MTMR14: variants seen among roughly 807,000 people sequenced by gnomAD.
MTMR14 encodes the protein phosphatidylinositol-3,5-bisphosphate 3-phosphatase MTMR14.
In MTMR14, 48 loss-of-function variants were observed where a neutral mutation model predicts 86.3. The observed-to-expected ratio is 0.56, with a 90% confidence interval of 0.44 to 0.71. The LOEUF (loss-of-function observed/expected upper bound fraction) is 0.71. MTMR14 is among the 30% of genes least tolerant of loss of function. The probability of loss-of-function intolerance (pLI) is 0.00; values close to 1 mark genes in which losing one functional copy is unlikely to be tolerated. For missense variants in MTMR14, 780 were observed against 834.6 expected (o/e 0.93, Z 0.81); for synonymous variants, 366 against 326.1 (o/e 1.12, Z -1.32).
intron 1 of MTMR14, among the ~76,000 whole-genome samples, chr3:9,652,638 A>G (rs2047366187): frequency 1.3e-5 from 2 of 151,748 alleles, no homozygotes; most frequent in South Asian, 4.2e-4. Flanking sequence ...CAGAGGTTGC[A>G]GTGAGCAGAG....
At position 9,668,783 on chromosome 3, in the gene MTMR14, A is replaced by AT. The variant is rs768627913; in HGVS notation, c.488dup (p.Ser164LeufsTer6). 38 of 1,613,846 alleles carry AT rather than the reference A, an allele frequency of 2.4e-5. No individual in the cohort carries two copies. The highest frequency in any genetic ancestry group is 3.1e-5 in the Non-Finnish European group (37 of 1,179,980). Reference sequence around the variant, plus strand: ...CTGTATGGACGCTCAGGCTACAACTATTTTTTCTCAGGTGAATGTTGAACA... The same window carrying AT: ...CTGTATGGACGCTCAGGCTACAACTATTTTTTTCTCAGGTGAATGTTGAACA... On this transcript the variant is annotated frameshift_variant, in exon 4 of 19. Coordinates refer to ENST00000296003, the MANE Select transcript of MTMR14 (RefSeq NM_001077525.3). LOFTEE classifies it high-confidence loss of function.
chr3:9,701,673 C>A lies in MTMR14; in HGVS notation c.1770-117C>A. On this transcript the variant is annotated intron_variant, in intron 18 of 18. Coordinates refer to ENST00000296003, the MANE Select transcript of MTMR14 (RefSeq NM_001077525.3). This position sits in a 1 kb window ranked among gnomAD's most constrained non-coding sequence, Gnocchi z 4.2. ...GGATAGCATGGCCGTAGGACAGACACTGGCCTTGTACAGTCAGAAGAAGCA... is the reference window on the plus strand; with the variant it reads ...GGATAGCATGGCCGTAGGACAGACAATGGCCTTGTACAGTCAGAAGAAGCA... 8.1e-7 allele frequency: 1 copy of A among 1,227,032 alleles called. No homozygotes were observed. Among genetic ancestry groups the A allele is most frequent in the Non-Finnish European group, 1.2e-6 (1 of 848,728 alleles). The allele number at this position is 1,227,032 out of a possible 1,614,324, so 76.0% of individuals were successfully genotyped here.
Position 9,684,981 on chromosome 3 carries a change from G to T in MTMR14, c.1127+17G>T. ...CCTCTTCGGGTAAGCCTTTGCAGGA[G>T]TTGGGTTTTGGGGCCTTAGTAACAG... On this transcript the variant is annotated intron_variant, in intron 12 of 18. Transcript: ENST00000296003. 6.2e-7 allele frequency: 1 copy of T among 1,613,360 alleles called. No individual in the cohort carries two copies. The highest frequency in any genetic ancestry group is 8.5e-7 in the Non-Finnish European group (1 of 1,179,330).
chr3:9,678,575 G>A (rs919700583), intron 9 of MTMR14, among the ~76,000 whole-genome samples: 5 of 152,176 alleles, frequency 3.3e-5, no homozygotes, highest in African/African-American at 1.2e-4. Flanking sequence ...CTTGCCACTT[G>A]CTTCAGACAG....
In MTMR14 at chr3:9,653,634, A is replaced by C. The variant is rs921275395; in HGVS notation, c.173A>C (p.Glu58Ala). Residue 58 changes from glutamate (E) to alanine (A), a missense_variant, in exon 2 of 19, where the codon GAG (glutamate) becomes GCG (alanine). Coordinates refer to ENST00000296003, the MANE Select transcript of MTMR14 (RefSeq NM_001077525.3). ...GTGGSKVERI[E>A]KRCLELFGRD... Reference sequence around the variant, plus strand: ...TTCTCTGTGCAGGTTGAGCGCATTGAGAAGAGATGTCTGGAGCTGTTTGGC... The same window carrying C: ...TTCTCTGTGCAGGTTGAGCGCATTGCGAAGAGATGTCTGGAGCTGTTTGGC... 3.1e-6 allele frequency: 5 copies of C among 1,613,964 alleles called. No individual in the cohort carries two copies. The African/African-American group carries it at 6.7e-5, about 22-fold the overall frequency.
At position 9,678,136 on chromosome 3, in the gene MTMR14, G is replaced by C; in HGVS notation, c.897+78G>C. ...GAGACTCTTGATGCCTGCCCCACAA[G>C]GCCCTCGTGTGTTTGCCTGATGGGC... On this transcript the variant is annotated intron_variant, in intron 9 of 18. Coordinates refer to ENST00000296003, the MANE Select transcript of MTMR14 (RefSeq NM_001077525.3). 2.0e-6 allele frequency: 3 copies of C among 1,464,206 alleles called. No homozygotes were observed. The South Asian group carries it at 3.6e-5, about 17-fold the overall frequency. 90.7% of individuals were successfully genotyped at this position (1,464,206 alleles called of 1,614,324 possible). A position where few individuals can be genotyped will look rare whatever the true frequency, so the allele number is the denominator to read the frequency against.
At chr3:9,694,582 A>G (rs2076229295) in intron 17 of MTMR14, among the ~76,000 whole-genome samples, 1 of 152,198 alleles carries the variant, frequency 6.6e-6, no homozygotes, top group South Asian at 2.1e-4. Context: ...CTCATAGTAG[A>G]TACCTTTTCA....
At chr3:9,684,441 G>T in intron 10 of MTMR14, 144 bp from the exon 11 acceptor site, 1 of 786,814 alleles carries the variant, frequency 1.3e-6, no homozygotes. Flanking sequence ...GACTAGGCTG[G>T]AGAAGAGCCA....
At position 9,701,211 on chromosome 3, in the gene MTMR14, A is replaced by T. The variant is rs1037335229; in HGVS notation, c.1770-579A>T. 1 of 163,310 alleles carries T rather than the reference A, an allele frequency of 6.1e-6. No individual in the cohort carries two copies. The highest frequency in any genetic ancestry group is 1.3e-5 in the Non-Finnish European group (1 of 74,382). 10.1% of individuals were successfully genotyped at this position (163,310 alleles called of 1,614,324 possible). A position where few individuals can be genotyped will look rare whatever the true frequency, so the allele number is the denominator to read the frequency against. ...GTGGAAGCAGAGAGCTGCTGGGGCA[A>T]ATTCCCTCCTGCTTAGCTACCCTCC... On this transcript the variant is annotated intron_variant, in intron 18 of 18. Coordinates refer to ENST00000296003, the MANE Select transcript of MTMR14 (RefSeq NM_001077525.3). The surrounding 1 kb of genome is among the most constrained non-coding windows in gnomAD (Gnocchi z 4.2).
rs765475266 is a variant in MTMR14 at position 9,669,477 on chromosome 3, A to G, written c.539A>G (p.Glu180Gly). 5.0e-6 allele frequency: 8 copies of G among 1,613,410 alleles called. No homozygotes were observed. The Admixed American group carries it at 8.3e-5, about 17-fold the overall frequency. Reference protein sequence around the residue: ...AWADVEDVTEEDCALRSGDTH... With the variant: ...AWADVEDVTEGDCALRSGDTH... Reference sequence around the variant, plus strand: ...GCAGATGTGGAGGACGTCACGGAGGAGGACTGTGCTCTTCGGTCAGTGCTG... The same window carrying G: ...GCAGATGTGGAGGACGTCACGGAGGGGGACTGTGCTCTTCGGTCAGTGCTG... The change falls in exon 5 of 19, where the codon GAG becomes GGG. Residue 180 changes from glutamate to glycine, a missense_variant. Glu to Gly is a moderately conservative substitution (Grantham distance 98). Coordinates refer to ENST00000296003, the MANE Select transcript of MTMR14 (RefSeq NM_001077525.3).
chr3:9,661,180 C>T (rs2047908877), intron 2 of MTMR14, among the ~76,000 whole-genome samples: 1 of 152,206 alleles, frequency 6.6e-6, no homozygotes, highest in Non-Finnish European at 1.5e-5. Flanking sequence ...GCCATGTGGA[C>T]CAAGAAACGT....
chr3:9,676,787 G>T (rs1166062505), intron 7 of MTMR14, among the ~76,000 whole-genome samples: 1 of 152,192 alleles, frequency 6.6e-6, no homozygotes, highest in African/African-American at 2.4e-5. Flanking sequence ...GCTTTGTTGG[G>T]CATGGCAGTG....
intron 18 of MTMR14, among the ~76,000 whole-genome samples, chr3:9,698,679 G>A (rs2125413628): frequency 6.6e-6 from 1 of 152,306 alleles, no homozygotes; most frequent in Middle Eastern, 3.4e-3. Context: ...AGTTGGGAAG[G>A]GAAAGGGGGC....
intron 4 of MTMR14, 94 bp downstream of exon 4, chr3:9,668,888 T>A: frequency 7.5e-7 from 1 of 1,326,432 alleles, no homozygotes; most frequent in Non-Finnish European, 1.1e-6. Flanking sequence ...GCCTGTAATC[T>A]CAACACTTTG....
At chr3:9,680,671 C>G (rs1247515885) in intron 9 of MTMR14, among the ~76,000 whole-genome samples, 2 of 152,138 alleles carry the variant, frequency 1.3e-5, no homozygotes, top group Non-Finnish European at 2.9e-5. Flanking sequence ...CAGTGAAACC[C>G]AATCTCTACT....
chr3:9,656,084 A>G (rs1380153107), intron 2 of MTMR14, among the ~76,000 whole-genome samples: 1 of 151,992 alleles, frequency 6.6e-6, no homozygotes, highest in Non-Finnish European at 1.5e-5. Flanking sequence ...AATCCCAGCT[A>G]CTCGGGAGGC....
At chr3:9,687,676 C>T in intron 13 of MTMR14, 145 bp from the exon 14 acceptor site, 1 of 712,994 alleles carries the variant, frequency 1.4e-6, no homozygotes, top group Non-Finnish European at 2.5e-6. Context: ...ACCACCCACA[C>T]CATTTATGGA....
At chr3:9,661,558 A>G (rs904304933) in intron 2 of MTMR14, among the ~76,000 whole-genome samples, 1 of 152,122 alleles carries the variant, frequency 6.6e-6, no homozygotes, top group Admixed American at 6.5e-5. Context: ...ATACATATTC[A>G]GAGTTATGCA....
chr3:9,667,773 G>A lies in MTMR14; in HGVS notation c.418-946G>A, dbSNP rs150946994. ...CCACGCACAACTCTTTGCTGTAGCAGCAAAACTTTCCTTCCCATTATCTTA... is the reference window on the plus strand; with the variant it reads ...CCACGCACAACTCTTTGCTGTAGCAACAAAACTTTCCTTCCCATTATCTTA... On this transcript the variant is annotated intron_variant, in intron 3 of 18. Transcript: ENST00000296003. 1.5e-3 allele frequency among the ~76,000 whole-genome samples: 229 copies of A among 152,298 alleles called. 1 individual carries two copies. Among genetic ancestry groups the A allele is most frequent in the Non-Finnish European group, 2.3e-3 (155 of 68,034 alleles).
Sources: allele counts gnomAD v4.1 joint callset (sites outside exome capture counted in the v4.1 genomes callset), GRCh38; gene constraint gnomAD v4.1.1; non-coding constraint Gnocchi (gnomAD v3.1); transcripts MANE v1.5; gene names NCBI Gene and HGNC (gene_info 2026-07-23, HGNC 2026-07-21).